PTPRT: variants seen among roughly 807,000 people sequenced by gnomAD.
PTPRT encodes receptor-type tyrosine-protein phosphatase T.
PTPRT carries 56 observed loss-of-function variants against 176.8 expected under a neutral mutation model. The ratio of observed to expected loss-of-function variants is 0.32; its 90% CI spans 0.26 to 0.40. The LOEUF (loss-of-function observed/expected upper bound fraction) is 0.40. Among genes scored for constraint, PTPRT ranks in the 10% least tolerant of loss-of-function variants. The probability of loss-of-function intolerance (pLI) is 1.00; values close to 1 mark genes in which losing one functional copy is unlikely to be tolerated. For synonymous variants in PTPRT, 783 were observed against 739.0 expected, an observed-to-expected ratio of 1.06 and a Z score of -0.96; for missense variants, 1,540 against 1,908.2, an observed-to-expected ratio of 0.81 and a Z score of 3.60.
At chr20:43,101,269 T>C (rs1423092931) in intron 1 of PTPRT, among the ~76,000 whole-genome samples, 1 of 152,102 alleles carries the variant, frequency 6.6e-6, no homozygotes, top group African/African-American at 2.4e-5. Context: ...AGATGATGTA[T>C]GTAAAAGACT....
chr20:43,069,789 C>A (rs77708803), intron 1 of PTPRT, among the ~76,000 whole-genome samples: 2,587 of 152,262 alleles, frequency 0.017, 48 homozygotes, highest in East Asian at 0.076. Flanking sequence ...GGGAGCCGTA[C>A]TAATGGGTTA....
At position 42,085,729 on chromosome 20, in the gene PTPRT, C is replaced by A; in HGVS notation, c.3971G>T (p.Arg1324Leu). The A allele has an allele frequency of 6.2e-7, 1 of 1,613,736 alleles. No homozygotes were observed. The part of the protein sequence containing the change: ...HRIFRICNMA[R>L]PQDGYRIVQH... ...AAGCAATGGCGGCCGTGTACTTACC[C>A]GGGCCATGTTACAGATGCGGAATAT... Residue 1324 changes from arginine to leucine, a missense_variant and splice_region_variant, in exon 28 of 31, where the codon CGG becomes CTG. Around this residue, in one of 11 missense-constraint regions of PTPRT, gnomAD observed 342 missense variants for 394.0 expected, o/e 0.87. Coordinates refer to ENST00000373187, the MANE Select transcript of PTPRT (RefSeq NM_007050.6).
At chr20:42,465,951 G>A (rs902617224) in intron 8 of PTPRT, among the ~76,000 whole-genome samples, 4 of 152,024 alleles carry the variant, frequency 2.6e-5, no homozygotes, top group Admixed American at 2.6e-4. Flanking sequence ...ACAGGCCCCA[G>A]GGTGTGCTGT....
At chr20:42,976,572 A>AT (rs946627695) in intron 1 of PTPRT, among the ~76,000 whole-genome samples, 14 of 151,796 alleles carry the variant, frequency 9.2e-5, no homozygotes, top group African/African-American at 3.1e-4. Flanking sequence ...CACCTGGCTG[A>AT]TTTTTTTCAT....
chr20:42,370,436 G>A (rs1056681569), intron 9 of PTPRT, among the ~76,000 whole-genome samples: 12 of 152,156 alleles, frequency 7.9e-5, no homozygotes, highest in African/African-American at 2.9e-4. Context: ...TTCATCAGAG[G>A]ACGGGCTACG....
At chr20:42,453,016 TTTCTG>T (rs2070858596) in intron 8 of PTPRT, among the ~76,000 whole-genome samples, 1 of 152,204 alleles carries the variant, frequency 6.6e-6, no homozygotes, top group African/African-American at 2.4e-5. Flanking sequence ...GTTGTTTGGC[TTTCTG>T]TTCTATTTCA....
At chr20:42,411,572 T>A (rs1274864403) in intron 9 of PTPRT, among the ~76,000 whole-genome samples, 5 of 142,194 alleles carry the variant, frequency 3.5e-5, no homozygotes, top group African/African-American at 1.3e-4. Context: ...AACTGACAAG[T>A]CTCTAGCCAG....
chr20:43,083,385 G>T (rs184520170), intron 1 of PTPRT, among the ~76,000 whole-genome samples: 45 of 81,066 alleles, frequency 5.6e-4, no homozygotes, highest in African/African-American at 1.8e-3. Context: ...TTTTGAGACA[G>T]AGTCTCGCTC....
intron 7 of PTPRT, among the ~76,000 whole-genome samples, chr20:42,651,436 C>T (rs946263739): frequency 6.6e-6 from 1 of 152,142 alleles, no homozygotes. Context: ...TGTTTCAAAT[C>T]TATGAGCTAG....
intron 7 of PTPRT, among the ~76,000 whole-genome samples, chr20:42,476,249 A>T (rs1662912031): frequency 3.3e-5 from 5 of 152,160 alleles, no homozygotes; most frequent in Admixed American, 3.3e-4. Flanking sequence ...CCTCAGTATC[A>T]CTTATGCTGA....
the PTPRT span, among the ~76,000 whole-genome samples, chr20:42,062,708 A>C: frequency 1.3e-5 from 2 of 151,934 alleles, no homozygotes; most frequent in East Asian, 1.9e-4. Context: ...GCAGGCCTGC[A>C]CTCATGGGCC....
intron 6 of PTPRT, among the ~76,000 whole-genome samples, chr20:42,752,278 T>C (rs1332300362): frequency 1.3e-5 from 2 of 152,242 alleles, no homozygotes; most frequent in Non-Finnish European, 2.9e-5. Flanking sequence ...TTAGAGTGCC[T>C]ATGCAGGGCA....
At chr20:42,294,080 A>G (rs2057354060) in intron 12 of PTPRT, among the ~76,000 whole-genome samples, 1 of 152,208 alleles carries the variant, frequency 6.6e-6, no homozygotes, top group Non-Finnish European at 1.5e-5. Flanking sequence ...TATAAATGAA[A>G]TATCTCTAAA....
chr20:42,674,643 A>C (rs1279672735), intron 7 of PTPRT, among the ~76,000 whole-genome samples: 1 of 152,244 alleles, frequency 6.6e-6, no homozygotes, highest in Non-Finnish European at 1.5e-5. Context: ...GGTATTACCC[A>C]GTTTAGTAAC....
chr20:42,174,704 C>T (rs1030874004), intron 16 of PTPRT, among the ~76,000 whole-genome samples: 19 of 152,142 alleles, frequency 1.2e-4, no homozygotes, highest in Non-Finnish European at 1.0e-4. Context: ...TCACACAATA[C>T]TCTCTGAAGA....
chr20:42,816,308 G>A (rs140358725), intron 2 of PTPRT, among the ~76,000 whole-genome samples: 302 of 152,318 alleles, frequency 2.0e-3, no homozygotes, highest in African/African-American at 6.9e-3. Context: ...GAGAGGTAGA[G>A]AAGATATGCT....
intron 23 of PTPRT, among the ~76,000 whole-genome samples, chr20:42,107,969 T>G (rs1293188076): frequency 6.6e-6 from 1 of 152,178 alleles, no homozygotes; most frequent in East Asian, 1.9e-4. Context: ...TTAAGTTTGC[T>G]TCAGAACCTA....
At chr20:43,079,873 C>T (rs1423165339) in intron 1 of PTPRT, among the ~76,000 whole-genome samples, 2 of 152,116 alleles carry the variant, frequency 1.3e-5, no homozygotes, top group East Asian at 3.9e-4. Flanking sequence ...TAGCCAGAAG[C>T]TTTAGTTTAG....
intron 6 of PTPRT, among the ~76,000 whole-genome samples, chr20:42,710,053 C>T (rs961582163): frequency 2.6e-5 from 4 of 152,090 alleles, no homozygotes; most frequent in Non-Finnish European, 5.9e-5. Context: ...TTCTAATAGC[C>T]TATGATCAGA....
Sources: allele counts gnomAD v4.1 joint callset (sites outside exome capture counted in the v4.1 genomes callset), GRCh38; gene constraint gnomAD v4.1.1; regional missense constraint gnomAD v4.1.1; transcripts MANE v1.5; gene names NCBI Gene and HGNC (gene_info 2026-07-23, HGNC 2026-07-21).